ZNF536: variants seen among roughly 807,000 people sequenced by gnomAD.
ZNF536 encodes zinc finger protein 536.
A neutral mutation model predicts 84.5 loss-of-function variants in ZNF536; 13 were observed. That is an observed-to-expected ratio of 0.15 (90% CI 0.10 to 0.24). The LOEUF is 0.24. Ranked by LOEUF, ZNF536 falls within the 10% of genes least tolerant of loss-of-function variation. ZNF536 has a pLI of 1.00. For missense variants in ZNF536, 1,536 were observed against 1,747.5 expected, an observed-to-expected ratio of 0.88 and a Z score of 2.16; for synonymous variants, 811 against 742.5, an observed-to-expected ratio of 1.09 and a Z score of -1.50.
At chr19:30,422,607 A>T (rs1226703926) in intron 1 of ZNF536, among the ~76,000 whole-genome samples, 1 of 152,096 alleles carries the variant, frequency 6.6e-6, no homozygotes, top group Admixed American at 6.5e-5. Flanking sequence ...GTCCAGGCTT[A>T]TCTCCACAGT....
intron 2 of ZNF536, among the ~76,000 whole-genome samples, chr19:30,301,791 A>C (rs1484913773): frequency 6.6e-6 from 1 of 152,130 alleles, no homozygotes; most frequent in Non-Finnish European, 1.5e-5. Flanking sequence ...GGCCAAATTG[A>C]AATTTGTATT....
At chr19:30,328,789 G>C (rs8108945) in intron 2 of ZNF536, among the ~76,000 whole-genome samples, 3,682 of 152,310 alleles carry the variant, frequency 0.024, 171 homozygotes, top group African/African-American at 0.084. Flanking sequence ...TGATCTTGAA[G>C]CTGGCGTTGC....
At chr19:30,686,096 C>T (rs1292922158) in intron 1 of ZNF536, among the ~76,000 whole-genome samples, 1 of 152,214 alleles carries the variant, frequency 6.6e-6, no homozygotes, top group Non-Finnish European at 1.5e-5. Flanking sequence ...CCCCTTCCCT[C>T]TCTCACGTTC....
At chr19:30,434,250 AT>A (rs1461961665) in intron 1 of ZNF536, among the ~76,000 whole-genome samples, 2 of 152,154 alleles carry the variant, frequency 1.3e-5, no homozygotes, top group Non-Finnish European at 2.9e-5. Flanking sequence ...TCTAAAGATA[AT>A]TTTTAGGGGG....
intron 1 of ZNF536, among the ~76,000 whole-genome samples, chr19:30,272,758 T>C (rs1237973879): frequency 1.3e-5 from 2 of 152,240 alleles, no homozygotes; most frequent in Non-Finnish European, 2.9e-5. Flanking sequence ...CATTTCTTTT[T>C]ATTGCTGAAT....
chr19:30,694,013 A>C (rs1468219158), intron 1 of ZNF536, among the ~76,000 whole-genome samples: 3 of 152,200 alleles, frequency 2.0e-5, no homozygotes, highest in African/African-American at 4.8e-5. Flanking sequence ...GAAATGCACT[A>C]ATGTTTTTAT....
At chr19:30,226,191 G>A (rs866021956), upstream of ZNF536, among the ~76,000 whole-genome samples, 5 of 150,244 alleles carry the variant, frequency 3.3e-5, 1 homozygote, top group South Asian at 1.1e-3. This position sits in a 1 kb window ranked among gnomAD's most constrained non-coding sequence, Gnocchi z 4.6. Context: ...CCACTCTCAG[G>A]CCCCGGGAAA....
rs55853017 is a variant in ZNF536 at position 30,583,904 on chromosome 19, G to C, written c.169+34390G>C. Among the ~76,000 whole-genome samples, 981 of 152,280 alleles carry C rather than the reference G, an allele frequency of 6.4e-3. 3 individuals carry two copies. Among genetic ancestry groups the C allele is most frequent in the Non-Finnish European group, 0.011 (740 of 68,024 alleles). On this transcript the variant is annotated intron_variant, in intron 1 of 1. Transcript: ENST00000592773. ...GATTCTGGCCCTGGTGGTCAGAAAG[G>C]GTTAATAGATCTTGGGAGTATTAGC...
At chr19:30,327,401 A>G (rs926678342) in intron 2 of ZNF536, among the ~76,000 whole-genome samples, 2 of 152,168 alleles carry the variant, frequency 1.3e-5, no homozygotes, top group Non-Finnish European at 1.5e-5. Context: ...CTTCTCTGTG[A>G]ACAGTTATTT....
At chr19:30,655,605 G>C (rs1048876555) in intron 1 of ZNF536, among the ~76,000 whole-genome samples, 2 of 152,212 alleles carry the variant, frequency 1.3e-5, no homozygotes, top group Non-Finnish European at 2.9e-5. Flanking sequence ...AATGAGGTTG[G>C]GGAATAGGGC....
intron 1 of ZNF536, among the ~76,000 whole-genome samples, chr19:30,247,826 C>A (rs1173665079): frequency 6.6e-6 from 1 of 152,210 alleles, no homozygotes; most frequent in Non-Finnish European, 1.5e-5. Context: ...GAGATGCTGT[C>A]TCACTGTCAC....
chr19:30,240,556 C>T (rs1479171438), intron 1 of ZNF536, among the ~76,000 whole-genome samples: 1 of 152,186 alleles, frequency 6.6e-6, no homozygotes, highest in Non-Finnish European at 1.5e-5. Context: ...GGAGTGCCAT[C>T]GCATTGCTGC....
rs1024363821 is a variant in ZNF536, at chr19:30,445,701, C to T, written c.2139C>T (p.Asp713=). The T allele has an allele frequency of 1.5e-5, 23 of 1,580,090 alleles. No individual in the cohort carries two copies. The highest frequency in any genetic ancestry group is 1.8e-5 in the Non-Finnish European group (21 of 1,162,354). The change falls in exon 2 of 5, where the codon GAC becomes GAT. Residue 713 remains aspartate (D), a synonymous_variant. Coordinates refer to ENST00000355537, the MANE Select transcript of ZNF536 (RefSeq NM_014717.3). This position sits in a 1 kb window ranked among gnomAD's most constrained non-coding sequence, Gnocchi z 4.5. ...CCCAGACCGGGAGTGCCCAGGAGGACAGCCCGCACCCCTCCTCGCCATCCT... is the reference window on the plus strand; with the variant it reads ...CCCAGACCGGGAGTGCCCAGGAGGATAGCCCGCACCCCTCCTCGCCATCCT... ...GLSQTGSAQE[D]SPHPSSPSSS...
chr19:30,322,432 A>G (rs1308795808), intron 2 of ZNF536, among the ~76,000 whole-genome samples: 1 of 152,072 alleles, frequency 6.6e-6, no homozygotes, highest in Non-Finnish European at 1.5e-5. Flanking sequence ...GTGCTTGTCC[A>G]TCCTGCTTCA....
intron 1 of ZNF536, among the ~76,000 whole-genome samples, chr19:30,383,413 G>A (rs377673498): frequency 9.8e-5 from 15 of 152,318 alleles, no homozygotes; most frequent in African/African-American, 3.6e-4. Flanking sequence ...AGTTCAGATG[G>A]TGAACAACTG....
chr19:30,393,451 C>G (rs1036870004), intron 1 of ZNF536, among the ~76,000 whole-genome samples: 1 of 152,212 alleles, frequency 6.6e-6, no homozygotes, highest in Non-Finnish European at 1.5e-5. Context: ...AGACTTGATC[C>G]CTCTCTTTAT....
At position 30,565,454 on chromosome 19, in the gene ZNF536, T is replaced by C. The variant is rs2046317590; in HGVS notation, c.169+15940T>C. ...AGGTCTGCCAGGCCTTCAGCACTTC[T>C]GGACCCCAGCCACTTCTGCGTAACC... On this transcript the variant is annotated intron_variant, in intron 1 of 1. Coordinates refer to the ZNF536 transcript ENST00000592773. Among the ~76,000 whole-genome samples the C allele has an allele frequency of 3.9e-5, 6 of 152,356 alleles. No homozygotes were observed. In the South Asian group the frequency reaches 1.2e-3, roughly 32 times the overall value.
upstream of ZNF536, among the ~76,000 whole-genome samples, chr19:30,371,814 A>T (rs2048621397): frequency 6.6e-6 from 1 of 151,330 alleles, no homozygotes; most frequent in Non-Finnish European, 1.5e-5. Flanking sequence ...ATATATATAT[A>T]TATGCATATA....
chr19:30,287,753 G>A lies in ZNF536; in HGVS notation c.-120+3612G>A, dbSNP rs1414870727. Among the ~76,000 whole-genome samples, 12 of 150,336 alleles carry A rather than the reference G, an allele frequency of 8.0e-5. No individual in the cohort carries two copies. In the South Asian group the frequency reaches 2.6e-3, roughly 32 times the overall value. ...GGGTGGCTGGATGGGTGGGTGGATG[G>A]ATGGATGGATTGATGGATGGGTGGA... On this transcript the variant is annotated intron_variant, in intron 2 of 5. Coordinates refer to the ZNF536 transcript ENST00000585628.
Sources: allele counts gnomAD v4.1 joint callset (sites outside exome capture counted in the v4.1 genomes callset), GRCh38; gene constraint gnomAD v4.1.1; non-coding constraint Gnocchi (gnomAD v3.1); transcripts MANE v1.5; gene names NCBI Gene and HGNC (gene_info 2026-07-23, HGNC 2026-07-21).